Variants in AMBRA1 observed in about 807,000 individuals in gnomAD.
The protein encoded by AMBRA1 is activating molecule in BECN1-regulated autophagy protein 1.
Under a neutral mutation model 125.4 loss-of-function variants are expected in AMBRA1, and 47 were observed. The observed-to-expected ratio is 0.37, with a 90% CI of 0.30 to 0.48. The LOEUF (loss-of-function observed/expected upper bound fraction) is 0.48, where lower values mean the gene tolerates loss of function less well. AMBRA1 is among the 20% of genes least tolerant of loss of function. The probability of loss-of-function intolerance (pLI) is 0.99; values close to 1 mark genes in which losing one functional copy is unlikely to be tolerated. For synonymous variants in AMBRA1, 626 were observed against 655.5 expected (o/e 0.95, Z 0.69); for missense variants, 1,331 against 1,693.4 (o/e 0.79, Z 3.76).
intron 7 of AMBRA1, among the ~76,000 whole-genome samples, chr11:46,525,176 C>T (rs924756762): frequency 1.3e-5 from 2 of 152,124 alleles, no homozygotes; most frequent in Non-Finnish European, 2.9e-5. Context: ...TGGCACATGC[C>T]TATAGTCTCA....
At position 46,433,595 on chromosome 11, in the gene AMBRA1, A is replaced by G; in HGVS notation, c.2855T>C (p.Met952Thr). Residue 952 changes from methionine to threonine, a missense_variant, in exon 14 of 18, where the codon ATG becomes ACG. Coordinates refer to ENST00000683756, the MANE Select transcript of AMBRA1 (RefSeq NM_001387011.1). ...CAAGCCCACCATTACATATCTGCCC[A>G]TTGGGGACAGGCTCACCGAAATGGC... The part of the protein sequence containing the change: ...PNAISVSLSP[M>T]GRYVMVGLAS... The G allele has an allele frequency of 2.5e-6, 4 of 1,614,052 alleles. No homozygotes were observed. Among genetic ancestry groups the G allele is most frequent in the Non-Finnish European group, 3.4e-6 (4 of 1,179,922 alleles).
intron 11 of AMBRA1, among the ~76,000 whole-genome samples, chr11:46,444,835 T>C (rs748713822): frequency 6.6e-6 from 1 of 152,174 alleles, no homozygotes; most frequent in Non-Finnish European, 1.5e-5. Context: ...CCAAGAAATA[T>C]GAGAAAAGTA....
chr11:46,440,170 T>C (rs1303861642), intron 12 of AMBRA1, among the ~76,000 whole-genome samples: 1 of 152,122 alleles, frequency 6.6e-6, no homozygotes, highest in Non-Finnish European at 1.5e-5. Flanking sequence ...AGTAAAAGAT[T>C]GAAAATGACC....
At chr11:46,449,756 A>G (rs1458027133) in intron 11 of AMBRA1, among the ~76,000 whole-genome samples, 2 of 152,160 alleles carry the variant, frequency 1.3e-5, no homozygotes, top group Non-Finnish European at 2.9e-5. Flanking sequence ...GATTGACACA[A>G]CCCAACTTCA....
At chr11:46,487,506 T>C (rs1347667276) in intron 11 of AMBRA1, among the ~76,000 whole-genome samples, 1 of 152,120 alleles carries the variant, frequency 6.6e-6, no homozygotes, top group Non-Finnish European at 1.5e-5. Flanking sequence ...TAACACCACA[T>C]TGTTGGGTTT....
At chr11:46,449,631 A>C (rs895947253) in intron 11 of AMBRA1, among the ~76,000 whole-genome samples, 5 of 152,220 alleles carry the variant, frequency 3.3e-5, no homozygotes, top group African/African-American at 1.2e-4. Context: ...ACACAATCCC[A>C]ATCAAAATCC....
chr11:46,439,669 A>T (rs192949720), intron 12 of AMBRA1, among the ~76,000 whole-genome samples: 61 of 152,364 alleles, frequency 4.0e-4, no homozygotes, highest in Admixed American at 3.7e-3. Context: ...AAGTTCTATG[A>T]CAAAAATAAC....
chr11:46,577,007 C>T lies in AMBRA1; in HGVS notation c.-121+16821G>A, dbSNP rs181322497. On this transcript the variant is annotated intron_variant, in intron 1 of 17. Transcript: ENST00000683756. ...TGAGTCCCAATCTAAGCCCAGCCAA[C>T]AACTCTGAAATCACATACTCTGGAG... Among the ~76,000 whole-genome samples the T allele has an allele frequency of 8.5e-3, 1,288 of 152,304 alleles. 11 individuals are homozygous for T. Among genetic ancestry groups the T allele is most frequent in the Non-Finnish European group, 0.015 (994 of 68,022 alleles).
At chr11:46,486,952 A>AATAAATAAATAC (rs1554984723) in intron 11 of AMBRA1, among the ~76,000 whole-genome samples, 1 of 138,224 alleles carries the variant, frequency 7.2e-6, no homozygotes. Context: ...TAAATAAATA[A>AATAAATAAATAC]ATACAAATAA....
chr11:46,422,264 C>T (rs1432745464), intron 14 of AMBRA1, among the ~76,000 whole-genome samples: 2 of 152,196 alleles, frequency 1.3e-5, no homozygotes, highest in Non-Finnish European at 2.9e-5. Flanking sequence ...AACCCCTCTT[C>T]CCAAAGTAGA....
intron 1 of AMBRA1, among the ~76,000 whole-genome samples, chr11:46,553,104 G>A (rs951262206): frequency 1.3e-5 from 2 of 151,528 alleles, no homozygotes; most frequent in Non-Finnish European, 2.9e-5. Flanking sequence ...CACCACACCC[G>A]GCTAATTTTT....
intron 11 of AMBRA1, among the ~76,000 whole-genome samples, chr11:46,456,380 C>G (rs534294309): frequency 5.6e-4 from 86 of 152,306 alleles, no homozygotes; most frequent in African/African-American, 1.9e-3. Context: ...ACTGCCAATA[C>G]TTAATCCCAG....
chr11:46,547,813 G>A lies in AMBRA1; in HGVS notation c.194+4C>T. ...ATCTTAAGTTATAGATAAATACTGA[G>A]TACCTGTCTGGGCTGAAGGCCAATA... is the stretch of plus-strand genomic sequence containing the variant. On this transcript the variant is annotated splice_donor_region_variant and intron_variant, in intron 3 of 17. Coordinates refer to ENST00000683756, the MANE Select transcript of AMBRA1 (RefSeq NM_001387011.1). 1 of 1,610,096 alleles carries A rather than the reference G, an allele frequency of 6.2e-7. No individual in the cohort carries two copies. Among genetic ancestry groups the A allele is most frequent in the Non-Finnish European group, 8.5e-7 (1 of 1,178,064 alleles).
intron 1 of AMBRA1, among the ~76,000 whole-genome samples, chr11:46,552,925 C>A (rs981911960): frequency 2.0e-5 from 3 of 151,194 alleles, no homozygotes; most frequent in Admixed American, 1.3e-4. Flanking sequence ...TTATTATTAC[C>A]AGAAGCCCAA....
chr11:46,404,241 C>G (rs1198767522), intron 17 of AMBRA1, among the ~76,000 whole-genome samples: 1 of 152,152 alleles, frequency 6.6e-6, no homozygotes, highest in Non-Finnish European at 1.5e-5. Flanking sequence ...GGTGTGAGTA[C>G]AGGTGGGATC....
intron 11 of AMBRA1, among the ~76,000 whole-genome samples, chr11:46,489,956 T>C (rs1053549423): frequency 1.3e-5 from 2 of 152,174 alleles, no homozygotes; most frequent in Non-Finnish European, 2.9e-5. Flanking sequence ...CACAGTGATA[T>C]TGGGCAAGTG....
intron 1 of AMBRA1, among the ~76,000 whole-genome samples, chr11:46,551,227 C>T (rs1199545449): frequency 6.6e-6 from 1 of 151,794 alleles, no homozygotes; most frequent in Non-Finnish European, 1.5e-5. Flanking sequence ...ACGCTGGGGA[C>T]TGGAGGGACT....
intron 16 of AMBRA1, 123 bp downstream of exon 16, chr11:46,410,153 G>C (rs78612907): frequency 0.071 from 56,355 of 794,902 alleles, 2,542 homozygotes; most frequent in Non-Finnish European, 0.092. Context: ...AAAGATCAAG[G>C]AGGTGCTGCT....
At chr11:46,458,357 C>T (rs1256868562) in intron 11 of AMBRA1, among the ~76,000 whole-genome samples, 2 of 152,134 alleles carry the variant, frequency 1.3e-5, no homozygotes, top group East Asian at 3.9e-4. Flanking sequence ...CAGAAGCTTT[C>T]CTGAATTAGA....
Sources: gnomAD v4.1 joint callset for allele counts (sites outside exome capture counted in the v4.1 genomes callset) on GRCh38, gnomAD v4.1.1 for gene constraint, MANE v1.5 for transcripts, NCBI Gene and HGNC (gene_info 2026-07-23, HGNC 2026-07-21) for gene names.